The following RBM6 variants were observed in gnomAD, a reference collection of about 807,000 sequenced individuals.
RBM6 encodes RNA-binding protein 6.
RBM6 carries 23 observed loss-of-function variants against 140.4 expected under a neutral mutation model. That is an observed-to-expected ratio of 0.16 (90% CI 0.12 to 0.23). The LOEUF (loss-of-function observed/expected upper bound fraction) is 0.23. Among genes scored for constraint, RBM6 ranks in the 10% least tolerant of loss-of-function variants. The pLI is 1.00. For synonymous variants in RBM6, 439 were observed against 475.6 expected (o/e 0.92, Z 1.00); for missense variants, 1,139 against 1,386.7 (o/e 0.82, Z 2.84).
chr3:50,058,040 C>A, intron 9 of RBM6, 37 bp downstream of exon 9: 1 of 1,598,932 alleles, frequency 6.3e-7, no homozygotes, highest in Non-Finnish European at 8.5e-7. Flanking sequence ...AGACTGTGAT[C>A]ATCACAATGG....
intron 5 of RBM6, among the ~76,000 whole-genome samples, chr3:49,984,375 G>A (rs1389873279): frequency 2.0e-5 from 3 of 152,218 alleles, no homozygotes; most frequent in Non-Finnish European, 4.4e-5. Context: ...GGGAGGCCGA[G>A]ATGGGTGGAT....
intron 5 of RBM6, among the ~76,000 whole-genome samples, chr3:49,996,886 T>C (rs1023616217): frequency 2.0e-5 from 3 of 152,320 alleles, no homozygotes; most frequent in Non-Finnish European, 4.4e-5. Flanking sequence ...AACTTGAATC[T>C]GGACTGCTTG....
intron 7 of RBM6, among the ~76,000 whole-genome samples, chr3:50,048,547 C>G (rs1275867709): frequency 1.3e-5 from 2 of 152,154 alleles, no homozygotes; most frequent in African/African-American, 4.8e-5. Flanking sequence ...GAGACACTTT[C>G]CCAAGGACAT....
At position 50,061,740 on chromosome 3, in the gene RBM6, G is replaced by A; in HGVS notation, c.2439+193G>A. ...CTATATGGAAAATCAGTGCCTTGTGGCAATACAGGTAAGAACAGTGTTGCT... is the reference window on the plus strand; with the variant it reads ...CTATATGGAAAATCAGTGCCTTGTGACAATACAGGTAAGAACAGTGTTGCT... On this transcript the variant is annotated intron_variant, in intron 14 of 20. Coordinates refer to ENST00000266022, the MANE Select transcript of RBM6 (RefSeq NM_005777.3). 2.2e-6 allele frequency: 3 copies of A among 1,365,458 alleles called. No individual in the cohort carries two copies. In the South Asian group the frequency reaches 4.7e-5, roughly 21 times the overall value. The allele number at this position is 1,365,458 out of a possible 1,614,324, so 84.6% of individuals were successfully genotyped here. A position where few individuals can be genotyped will look rare whatever the true frequency, so the allele number is the denominator to read the frequency against.
chr3:49,985,197 G>A (rs2085502751), intron 5 of RBM6, among the ~76,000 whole-genome samples: 2 of 152,168 alleles, frequency 1.3e-5, no homozygotes, highest in Non-Finnish European at 2.9e-5. Context: ...GAAGAAAAGG[G>A]CATTACTCAG....
intron 6 of RBM6, among the ~76,000 whole-genome samples, chr3:50,041,489 A>G (rs1240815614): frequency 4.6e-5 from 7 of 152,220 alleles, no homozygotes. Flanking sequence ...TATTTGAACT[A>G]TAACATATCC....
At chr3:49,998,726 A>G (rs1234923417) in intron 5 of RBM6, among the ~76,000 whole-genome samples, 6 of 152,236 alleles carry the variant, frequency 3.9e-5, no homozygotes, top group Non-Finnish European at 5.9e-5. Context: ...TCTTTCTCCC[A>G]GCTTGCCCCA....
At chr3:50,003,892 C>A (rs919800932) in intron 6 of RBM6, among the ~76,000 whole-genome samples, 11 of 152,238 alleles carry the variant, frequency 7.2e-5, no homozygotes, top group Admixed American at 6.5e-4. Flanking sequence ...TTCCACCCTT[C>A]CTGCAAAGTG....
At chr3:50,017,012 G>A (rs1025016219) in intron 6 of RBM6, among the ~76,000 whole-genome samples, 1 of 151,946 alleles carries the variant, frequency 6.6e-6, no homozygotes. Flanking sequence ...TTTTAGTAGA[G>A]ATGAGGTTTC....
chr3:49,974,673 A>ATTT lies in RBM6; in HGVS notation c.1414-622_1414-620dup, dbSNP rs55872898. ...AGGCGTGAGCCACCGTGCCCGGCCA[A>ATTT]TTTTTTTTTTTTTTTTTTTTTTTTT... On this transcript the variant is annotated intron_variant, in intron 4 of 20. Coordinates refer to ENST00000266022, the MANE Select transcript of RBM6 (RefSeq NM_005777.3). Among the ~76,000 whole-genome samples, 535 of 72,478 alleles carry ATTT rather than the reference A, an allele frequency of 7.4e-3. 25 individuals are homozygous for ATTT. The highest frequency in any genetic ancestry group is 0.033 in the African/African-American group (514 of 15,410). The allele number at this position is 72,478 out of a possible 152,430, so 47.5% of individuals were successfully genotyped here.
intron 6 of RBM6, among the ~76,000 whole-genome samples, chr3:50,026,901 CA>C (rs139771207): frequency 3.0e-4 from 36 of 119,564 alleles, no homozygotes; most frequent in African/African-American, 6.9e-4. Context: ...CTTGTCTCAC[CA>C]AAAAAAAAAA....
intron 6 of RBM6, among the ~76,000 whole-genome samples, chr3:50,039,024 A>G (rs1327170875): frequency 6.6e-6 from 1 of 152,094 alleles, no homozygotes; most frequent in Non-Finnish European, 1.5e-5. Flanking sequence ...AACAAGCTGT[A>G]TCTTGTTTCT....
chr3:50,066,986 T>A (rs2090143968), intron 17 of RBM6, among the ~76,000 whole-genome samples: 1 of 151,866 alleles, frequency 6.6e-6, no homozygotes, highest in African/African-American at 2.4e-5. Flanking sequence ...ATCAGGAGTT[T>A]GAGACCAGCT....
At chr3:50,075,125 C>T (rs902520587) in intron 19 of RBM6, 76 bp from the exon 20 acceptor site, 13 of 1,544,278 alleles carry the variant, frequency 8.4e-6, no homozygotes, top group South Asian at 2.4e-5. Flanking sequence ...CATTGCACTC[C>T]AGCCTGGGCA....
In RBM6 at chr3:49,967,548, GA is replaced by G; in HGVS notation, c.124del (p.Arg42AspfsTer27). On this transcript the variant is annotated frameshift_variant, in exon 3 of 21. Transcript: ENST00000266022. LOFTEE classifies it high-confidence loss of function. The surrounding 1 kb of genome is among the most constrained non-coding windows in gnomAD (Gnocchi z 4.0). ...CTCCCCTTAAGAGTCATGCTCAAGAGAGACACTCTGGCAACTTTCCTGGCAG... is the reference window on the plus strand; with the variant it reads ...CTCCCCTTAAGAGTCATGCTCAAGAGGACACTCTGGCAACTTTCCTGGCAG... ...PPPLKSHAQE[R>X]HSGNFPGRDS... 1 of 1,614,178 alleles carries G rather than the reference GA, an allele frequency of 6.2e-7. No homozygotes were observed. The highest frequency in any genetic ancestry group is 8.5e-7 in the Non-Finnish European group (1 of 1,180,040).
At chr3:49,969,107 C>T (rs1200155422) in intron 3 of RBM6, among the ~76,000 whole-genome samples, 2 of 151,628 alleles carry the variant, frequency 1.3e-5, no homozygotes, top group African/African-American at 4.8e-5. Flanking sequence ...TCACTGCAAC[C>T]TCCGCCTCCC....
chr3:50,074,151 A>G (rs2090389891), intron 19 of RBM6, among the ~76,000 whole-genome samples: 1 of 151,972 alleles, frequency 6.6e-6, no homozygotes, highest in Non-Finnish European at 1.5e-5. Flanking sequence ...TACCTTTGTC[A>G]GTTTCTACTA....
At chr3:49,974,212 A>G (rs2084951183) in intron 4 of RBM6, among the ~76,000 whole-genome samples, 1 of 150,624 alleles carries the variant, frequency 6.6e-6, no homozygotes, top group African/African-American at 2.4e-5. Context: ...TTTCCTATGT[A>G]CCTGAGAATT....
chr3:50,026,611 C>T (rs1452281191), intron 6 of RBM6, among the ~76,000 whole-genome samples: 2 of 149,138 alleles, frequency 1.3e-5, no homozygotes, highest in Non-Finnish European at 3.0e-5. Context: ...TGAACCACCA[C>T]GCCTGGCCAA....
Sources: allele counts gnomAD v4.1 joint callset (sites outside exome capture counted in the v4.1 genomes callset), GRCh38; gene constraint gnomAD v4.1.1; non-coding constraint Gnocchi (gnomAD v3.1); transcripts MANE v1.5; gene names NCBI Gene and HGNC (gene_info 2026-07-23, HGNC 2026-07-21).